Variants in ZSCAN5A observed in about 807,000 individuals in gnomAD.
The protein encoded by ZSCAN5A is zinc finger and SCAN domain-containing protein 5A.
In ZSCAN5A, 12 loss-of-function variants were observed where a neutral mutation model predicts 23.7. The ratio of observed to expected loss-of-function variants is 0.51; its 90% CI spans 0.32 to 0.82. ZSCAN5A has a LOEUF of 0.82. ZSCAN5A is among the 40% of genes least tolerant of loss of function. The probability of loss-of-function intolerance (pLI) is 0.03; values close to 1 mark genes in which losing one functional copy is unlikely to be tolerated. For synonymous variants in ZSCAN5A, 257 were observed against 239.9 expected (o/e 1.07, Z -0.66); for missense variants, 597 against 617.9 (o/e 0.97, Z 0.36).
intron 2 of ZSCAN5A, among the ~76,000 whole-genome samples, chr19:56,242,156 C>G (rs1264298878): frequency 1.3e-5 from 2 of 152,116 alleles, no homozygotes; most frequent in Non-Finnish European, 2.9e-5. Flanking sequence ...CATCCCAGCA[C>G]GGGGCGCAGA....
chr19:56,269,328 T>C lies in ZSCAN5A; in HGVS notation c.-128+43955A>G, dbSNP rs147988367. ...ATTATATGGCATAATAATATAATAA[T>C]TAATGATAATAATTGTTGCTATCAT... is the stretch of plus-strand genomic sequence containing the variant. On this transcript the variant is annotated intron_variant, in intron 2 of 5. Transcript: ENST00000683990. Among the ~76,000 whole-genome samples, 694 of 152,346 alleles carry C rather than the reference T, an allele frequency of 4.6e-3. 3 individuals carry two copies. Among genetic ancestry groups the C allele is most frequent in the Non-Finnish European group, 5.7e-3 (388 of 68,040 alleles).
intron 2 of ZSCAN5A, among the ~76,000 whole-genome samples, chr19:56,337,520 C>T (rs1057320092): frequency 1.3e-5 from 2 of 152,224 alleles, no homozygotes; most frequent in African/African-American, 4.8e-5. Context: ...TCCCTGACCC[C>T]TTGTGCTTCC....
chr19:56,276,114 G>A (rs960484671), intron 2 of ZSCAN5A, among the ~76,000 whole-genome samples: 3 of 152,172 alleles, frequency 2.0e-5, no homozygotes, highest in African/African-American at 7.2e-5. Context: ...AAAAAAGTAA[G>A]AACCGTGGAA....
At chr19:56,275,578 A>C (rs1270518352) in intron 2 of ZSCAN5A, among the ~76,000 whole-genome samples, 1 of 152,232 alleles carries the variant, frequency 6.6e-6, no homozygotes, top group Non-Finnish European at 1.5e-5. Context: ...AAAAATAGTA[A>C]GAATAAATAA....
At chr19:56,333,857 AT>A (rs1157918211) in intron 2 of ZSCAN5A, among the ~76,000 whole-genome samples, 12 of 141,732 alleles carry the variant, frequency 8.5e-5, no homozygotes, top group African/African-American at 3.6e-4. Context: ...AAAAAGAAAA[AT>A]ATATATATAT....
chr19:56,302,592 CTCT>C (rs2040388753), intron 2 of ZSCAN5A, among the ~76,000 whole-genome samples: 1 of 45,546 alleles, frequency 2.2e-5, no homozygotes, highest in South Asian at 8.7e-4. Context: ...CCTTTTCTTC[CTCT>C]CCCTCTTCTT....
intron 2 of ZSCAN5A, among the ~76,000 whole-genome samples, chr19:56,282,068 T>C (rs1050288712): frequency 7.2e-5 from 11 of 152,114 alleles, no homozygotes; most frequent in African/African-American, 1.9e-4. Context: ...CTGGGTTAGA[T>C]TGTGTGTATT....
intron 2 of ZSCAN5A, chr19:56,297,573 T>C (rs2039962790): frequency 1.0e-6 from 1 of 962,548 alleles, no homozygotes. Context: ...TATAAGACAG[T>C]GTGTCCCTTC....
At chr19:56,285,133 G>A (rs1038145959) in intron 2 of ZSCAN5A, 9 of 412,380 alleles carry the variant, frequency 2.2e-5, no homozygotes, top group Admixed American at 6.4e-5. Context: ...GAACACTTCA[G>A]GTATTATCCA....
At chr19:56,228,232 C>T (rs2034138918) in intron 2 of ZSCAN5A, 2 of 985,400 alleles carry the variant, frequency 2.0e-6, no homozygotes, top group African/African-American at 1.7e-5. Flanking sequence ...ACCCGACAGA[C>T]ATCCCCGCTG....
intron 2 of ZSCAN5A, among the ~76,000 whole-genome samples, chr19:56,356,611 G>A (rs1247273227): frequency 2.0e-5 from 3 of 148,342 alleles, no homozygotes; most frequent in Non-Finnish European, 4.5e-5. Context: ...TTAATTTTCT[G>A]GCTTCACATA....
At chr19:56,342,801 C>T (rs2041604470) in intron 2 of ZSCAN5A, 2 of 761,902 alleles carry the variant, frequency 2.6e-6, no homozygotes, top group Non-Finnish European at 4.8e-6. Flanking sequence ...TGAACTGGGA[C>T]CAATCATAAG....
At chr19:56,360,117 A>G (rs2041725492) in intron 2 of ZSCAN5A, among the ~76,000 whole-genome samples, 1 of 152,218 alleles carries the variant, frequency 6.6e-6, no homozygotes, top group South Asian at 2.1e-4. Flanking sequence ...TCAAATAGGA[A>G]GAGAAGAAGT....
At chr19:56,264,278 G>A (rs1274791153) in intron 2 of ZSCAN5A, among the ~76,000 whole-genome samples, 1 of 152,216 alleles carries the variant, frequency 6.6e-6, no homozygotes, top group Non-Finnish European at 1.5e-5. Flanking sequence ...ACAGGCATGA[G>A]CCAGCACACC....
At chr19:56,362,404 C>T (rs1043711120) in intron 2 of ZSCAN5A, among the ~76,000 whole-genome samples, 1 of 151,396 alleles carries the variant, frequency 6.6e-6, no homozygotes, top group African/African-American at 2.4e-5. Context: ...CCCACCTCTA[C>T]TGACAGTACA....
chr19:56,365,873 A>C (rs2041760726), intron 1 of ZSCAN5A: 1 of 152,218 alleles, frequency 6.6e-6, no homozygotes, highest in Non-Finnish European at 1.5e-5. Context: ...AGCTATCTTT[A>C]CACTTTCGTG....
At chr19:56,249,521 C>T (rs2036195391) in intron 2 of ZSCAN5A, among the ~76,000 whole-genome samples, 1 of 152,238 alleles carries the variant, frequency 6.6e-6, no homozygotes. Context: ...ATCTGCCTGG[C>T]TCAGCCTCCC....
intron 2 of ZSCAN5A, among the ~76,000 whole-genome samples, chr19:56,252,730 G>A (rs970198518): frequency 7.2e-5 from 11 of 152,214 alleles, no homozygotes; most frequent in African/African-American, 1.2e-4. Context: ...GAACCTCAAC[G>A]TCTGGGTGAG....
intron 2 of ZSCAN5A, among the ~76,000 whole-genome samples, chr19:56,285,502 A>G (rs1263574439): frequency 6.6e-6 from 1 of 152,220 alleles, no homozygotes; most frequent in Non-Finnish European, 1.5e-5. Flanking sequence ...GTGTACTCCC[A>G]TAATTTAATG....
Sources: allele counts gnomAD v4.1 joint callset (sites outside exome capture counted in the v4.1 genomes callset), GRCh38; gene constraint gnomAD v4.1.1; transcripts MANE v1.5; gene names NCBI Gene and HGNC (gene_info 2026-07-23, HGNC 2026-07-21).